PTK2B: variants seen among roughly 807,000 people sequenced by gnomAD.
The protein encoded by PTK2B is protein tyrosine kinase 2 beta, also known as protein-tyrosine kinase 2-beta.
A neutral mutation model predicts 142.9 loss-of-function variants in PTK2B; 71 were observed. The ratio of observed to expected loss-of-function variants is 0.50; its 90% CI spans 0.41 to 0.61. The LOEUF (loss-of-function observed/expected upper bound fraction) is 0.61, where lower values mean the gene tolerates loss of function less well. Among genes scored for constraint, PTK2B ranks in the 20% least tolerant of loss-of-function variants. The probability of loss-of-function intolerance (pLI) is 0.00; values close to 1 mark genes in which losing one functional copy is unlikely to be tolerated. For synonymous variants in PTK2B, 519 were observed against 503.4 expected, an observed-to-expected ratio of 1.03 and a Z score of -0.42; for missense variants, 1,105 against 1,320.4, an observed-to-expected ratio of 0.84 and a Z score of 2.53.
chr8:27,390,988 A>AT (rs1050208353), intron 1 of PTK2B, among the ~76,000 whole-genome samples: 2 of 152,234 alleles, frequency 1.3e-5, no homozygotes, highest in Admixed American at 1.3e-4. Context: ...CCAGGTTTGA[A>AT]TGAGTTAAAT....
At chr8:27,432,126 T>C (rs1810469029) in intron 9 of PTK2B, 134 bp from the exon 10 acceptor site, 3 of 726,576 alleles carry the variant, frequency 4.1e-6, no homozygotes, top group East Asian at 5.4e-5. Flanking sequence ...CTAGCCTTAA[T>C]AGTGTTTGAT....
At chr8:27,311,580 T>A in exon 1 of PTK2B, 1 of 331,220 alleles carries the variant, frequency 3.0e-6, no homozygotes, top group Non-Finnish European at 5.5e-6. Context: ...ACTGGAAACC[T>A]ACTTCCGGCT....
At chr8:27,335,320 C>T (rs1210307333) in intron 1 of PTK2B, among the ~76,000 whole-genome samples, 1 of 152,222 alleles carries the variant, frequency 6.6e-6, no homozygotes, top group East Asian at 1.9e-4. Context: ...GGGCCAATTG[C>T]AGTGACTCAT....
Position 27,363,906 on chromosome 8 carries a change from C to T in PTK2B, c.-37-33642C>T, listed in dbSNP as rs572159830. Among the ~76,000 whole-genome samples the T allele has an allele frequency of 2.0e-4, 30 of 152,284 alleles. No individual in the cohort carries two copies. Among genetic ancestry groups the T allele is most frequent in the Middle Eastern group, 3.4e-3 (1 of 294 alleles). On this transcript the variant is annotated intron_variant, in intron 1 of 30. Coordinates refer to ENST00000346049, the MANE Select transcript of PTK2B (RefSeq NM_173176.3). The surrounding 1 kb of genome is among the most constrained non-coding windows in gnomAD (Gnocchi z 4.3). ...TGAGGAAGTGAGGAAATACCCAGGG[C>T]GCTGCAGGGCTAAGATTAGACTAGG...
At chr8:27,310,716 A>AGGCAGGAGG, upstream of PTK2B, 2 of 1,422,902 alleles carry the variant, frequency 1.4e-6, no homozygotes, top group Non-Finnish European at 9.4e-7. Context: ...GGGCTCTGGC[A>AGGCAGGAGG]GGCAGGAGGG....
chr8:27,327,468 A>T (rs1803489246), intron 1 of PTK2B, among the ~76,000 whole-genome samples: 1 of 152,130 alleles, frequency 6.6e-6, no homozygotes, highest in Admixed American at 6.5e-5. Context: ...TTATACTCAA[A>T]CATTATTCAC....
At chr8:27,437,334 G>A (rs1382420561) in intron 16 of PTK2B, 62 bp from the exon 17 acceptor site, 2 of 1,559,198 alleles carry the variant, frequency 1.3e-6, no homozygotes, top group Non-Finnish European at 8.8e-7. Flanking sequence ...AAGAGCAAAG[G>A]CCTTTTCTGA....
intron 2 of PTK2B, among the ~76,000 whole-genome samples, chr8:27,400,439 G>T (rs1455516347): frequency 7.2e-6 from 1 of 137,950 alleles, no homozygotes; most frequent in Non-Finnish European, 1.5e-5. Flanking sequence ...GAGAAAAAAG[G>T]ATTGAATTAA....
At chr8:27,342,625 C>A (rs1420207847) in intron 1 of PTK2B, among the ~76,000 whole-genome samples, 3 of 152,174 alleles carry the variant, frequency 2.0e-5, no homozygotes, top group Admixed American at 2.0e-4. Context: ...CAGATTCCTT[C>A]GAACCCTCCC....
At position 27,430,963 on chromosome 8, in the gene PTK2B, A is replaced by T. The variant is rs1286115355; in HGVS notation, c.757A>T (p.Thr253Ser). ...GGAGTGCGTCATGAAGTTCTTCAAC[A>T]CTCTCGCCGGCTTCGCCAACATCGA... is the stretch of plus-strand genomic sequence containing the variant. Reference protein sequence around the residue: ...EEECVMKFFNTLAGFANIDQE... With the variant: ...EEECVMKFFNSLAGFANIDQE... The change falls in exon 8 of 31, where the codon ACT becomes TCT. Residue 253 changes from threonine to serine, a missense_variant. Thr to Ser is a moderately conservative substitution (Grantham distance 58, BLOSUM62 1). Transcript: ENST00000346049. The T allele has an allele frequency of 6.2e-7, 1 of 1,613,788 alleles. No homozygotes were observed. The highest frequency in any genetic ancestry group is 1.1e-5 in the South Asian group (1 of 91,052).
At chr8:27,353,553 T>G (rs928829142) in intron 1 of PTK2B, among the ~76,000 whole-genome samples, 24 of 128,820 alleles carry the variant, frequency 1.9e-4, no homozygotes, top group Non-Finnish European at 3.4e-4. Context: ...ATGCTCGCTC[T>G]CTCTCTAACA....
At chr8:27,408,236 A>T (rs1371811172) in intron 2 of PTK2B, among the ~76,000 whole-genome samples, 1 of 152,220 alleles carries the variant, frequency 6.6e-6, no homozygotes, top group Admixed American at 6.5e-5. Flanking sequence ...CATAAAACCT[A>T]AAAGTATTCC....
chr8:27,414,005 C>T (rs1390179151), intron 2 of PTK2B, among the ~76,000 whole-genome samples: 1 of 152,102 alleles, frequency 6.6e-6, no homozygotes, highest in Non-Finnish European at 1.5e-5. Context: ...TTAAGTAATC[C>T]TAGATGTGGC....
At chr8:27,345,327 A>G (rs1390926953) in intron 1 of PTK2B, among the ~76,000 whole-genome samples, 2 of 152,216 alleles carry the variant, frequency 1.3e-5, no homozygotes, top group Non-Finnish European at 2.9e-5. Flanking sequence ...TAGTGAGCAC[A>G]TGTTTCTAAA....
intron 1 of PTK2B, among the ~76,000 whole-genome samples, chr8:27,362,628 T>TC (rs962235942): frequency 1.3e-5 from 2 of 149,730 alleles, no homozygotes; most frequent in South Asian, 2.2e-4. Context: ...GTGTTTTCTT[T>TC]CCCCCCACCA....
At chr8:27,458,247 C>T (rs1196120681) in intron 30 of PTK2B, 47 bp from the exon 31 acceptor site, 1 of 1,572,460 alleles carries the variant, frequency 6.4e-7, no homozygotes. Flanking sequence ...ATCCTCCAAG[C>T]ACAGACTTTG....
intron 1 of PTK2B, among the ~76,000 whole-genome samples, chr8:27,382,131 A>G (rs1183077704): frequency 6.6e-6 from 1 of 152,150 alleles, no homozygotes; most frequent in African/African-American, 2.4e-5. Flanking sequence ...AATTTTTAAT[A>G]GAGAGGGGCT....
Position 27,397,633 on chromosome 8 carries a change from C to T in PTK2B, c.49C>T (p.Arg17Cys), listed in dbSNP as rs750994537. 1.8e-5 allele frequency: 29 copies of T among 1,614,052 alleles called. No homozygotes were observed. The highest frequency in any genetic ancestry group is 5.0e-5 in the Admixed American group (3 of 60,006). ...PLSRVKLGTLRRPEGPAEPMV... is the reference protein window; with the variant it reads ...PLSRVKLGTLCRPEGPAEPMV... ...GAGTCGAGTAAAGTTGGGCACGTTA[C>T]GCCGGCCTGAAGGCCCTGCAGAGCC... The change falls in exon 2 of 31, where the codon CGC becomes TGC. Residue 17 changes from arginine to cysteine, a missense_variant. Physicochemically the swap from Arg to Cys is radical, Grantham distance 180. Coordinates refer to ENST00000346049, the MANE Select transcript of PTK2B (RefSeq NM_173176.3).
chr8:27,454,105 G>A (rs374184947), intron 28 of PTK2B, 49 bp from the exon 29 acceptor site: 125 of 1,609,838 alleles, frequency 7.8e-5, no homozygotes, highest in African/African-American at 3.3e-4. Context: ...GAATCATTCC[G>A]TGCCCCTGGC....
Sources: allele counts gnomAD v4.1 joint callset (sites outside exome capture counted in the v4.1 genomes callset), GRCh38; gene constraint gnomAD v4.1.1; non-coding constraint Gnocchi (gnomAD v3.1); transcripts MANE v1.5; gene names NCBI Gene and HGNC (gene_info 2026-07-23, HGNC 2026-07-21).